Variants in ABTB2 observed in about 807,000 individuals in gnomAD.
ABTB2 encodes ankyrin repeat and BTB/POZ domain-containing protein 2.
ABTB2 carries 56 observed loss-of-function variants against 104.1 expected under a neutral mutation model. The ratio of observed to expected loss-of-function variants is 0.54; its 90% CI spans 0.43 to 0.67. The LOEUF is 0.67. Among genes scored for constraint, ABTB2 ranks in the 30% least tolerant of loss-of-function variants. ABTB2 has a pLI of 0.00. For synonymous variants in ABTB2, 606 were observed against 608.2 expected (o/e 1.00, Z 0.05); for missense variants, 1,279 against 1,407.7 (o/e 0.91, Z 1.46).
intron 1 of ABTB2, among the ~76,000 whole-genome samples, chr11:34,224,174 A>C (rs1853659155): frequency 6.6e-6 from 1 of 152,060 alleles, no homozygotes; most frequent in Non-Finnish European, 1.5e-5. Context: ...CACCACACCC[A>C]GCTAATTTTG....
chr11:34,268,929 C>T (rs1402181247), intron 1 of ABTB2, among the ~76,000 whole-genome samples: 1 of 152,234 alleles, frequency 6.6e-6, no homozygotes, highest in Non-Finnish European at 1.5e-5. Context: ...TAGCTAACTA[C>T]ATCCACACCT....
chr11:34,196,205 A>G (rs950992334), intron 3 of ABTB2, among the ~76,000 whole-genome samples: 1 of 152,196 alleles, frequency 6.6e-6, no homozygotes, highest in South Asian at 2.1e-4. Flanking sequence ...AAAAAATATT[A>G]TATTTTCCAG....
At chr11:34,307,810 T>C (rs889076360) in intron 1 of ABTB2, among the ~76,000 whole-genome samples, 2 of 152,132 alleles carry the variant, frequency 1.3e-5, no homozygotes, top group African/African-American at 4.8e-5. Context: ...GCGATTCTCC[T>C]GCCTCAGCCT....
chr11:34,296,466 T>A (rs775366008), intron 1 of ABTB2, among the ~76,000 whole-genome samples: 5 of 152,158 alleles, frequency 3.3e-5, no homozygotes, highest in Non-Finnish European at 4.4e-5. Flanking sequence ...GATGATGCAG[T>A]TACTGGTCAT....
At chr11:34,233,493 G>T (rs1458334555) in intron 1 of ABTB2, among the ~76,000 whole-genome samples, 4 of 151,896 alleles carry the variant, frequency 2.6e-5, no homozygotes, top group African/African-American at 9.7e-5. Context: ...TGGGACCACA[G>T]GGGTACACCA....
chr11:34,249,031 A>G (rs959787918), intron 1 of ABTB2, among the ~76,000 whole-genome samples: 5 of 152,230 alleles, frequency 3.3e-5, no homozygotes, highest in Non-Finnish European at 7.3e-5. Context: ...CAGGAGGCTG[A>G]GGCAAGAGAT....
chr11:34,153,891 A>C (rs1852583386), intron 16 of ABTB2, among the ~76,000 whole-genome samples: 1 of 152,208 alleles, frequency 6.6e-6, no homozygotes, highest in South Asian at 2.1e-4. Context: ...AGCAGTGACC[A>C]TGTTGATTGT....
chr11:34,179,935 A>C (rs553394245), intron 3 of ABTB2, among the ~76,000 whole-genome samples: 3 of 152,212 alleles, frequency 2.0e-5, no homozygotes, highest in Non-Finnish European at 4.4e-5. Context: ...TAATAGGACC[A>C]CCTCACAAAA....
chr11:34,163,299 C>G (rs1034017408), intron 9 of ABTB2, among the ~76,000 whole-genome samples: 1 of 152,208 alleles, frequency 6.6e-6, no homozygotes. Flanking sequence ...CCAGTAAGTA[C>G]TCATTTGGTC....
At chr11:34,302,597 G>T (rs1361366181) in intron 1 of ABTB2, among the ~76,000 whole-genome samples, 1 of 152,198 alleles carries the variant, frequency 6.6e-6, no homozygotes, top group African/African-American at 2.4e-5. Flanking sequence ...TCTCTCAACA[G>T]TTTGTTGGTC....
chr11:34,246,870 AG>A (rs1853991937), intron 1 of ABTB2, among the ~76,000 whole-genome samples: 2 of 135,308 alleles, frequency 1.5e-5, no homozygotes, highest in Non-Finnish European at 3.1e-5. Context: ...TTTTTGAGAC[AG>A]AGTTTAACTC....
At chr11:34,327,682 T>C (rs1281242853) in intron 1 of ABTB2, among the ~76,000 whole-genome samples, 1 of 152,150 alleles carries the variant, frequency 6.6e-6, no homozygotes, top group African/African-American at 2.4e-5. Flanking sequence ...TCTATATGCA[T>C]GTTGTTAAGG....
In ABTB2 at chr11:34,331,240, C is replaced by T. The variant is rs191411596; in HGVS notation, c.883+25461G>A. ...CATTTTAAAAAGCATACATGACAAG[C>T]CTAAGAAGTGCTTACCACAAGCATA... On this transcript the variant is annotated intron_variant, in intron 1 of 16. Coordinates refer to ENST00000435224, the MANE Select transcript of ABTB2 (RefSeq NM_145804.3). Among the ~76,000 whole-genome samples, 306 of 152,240 alleles carry T rather than the reference C, an allele frequency of 2.0e-3. 2 individuals carry two copies. The highest frequency in any genetic ancestry group is 7.0e-3 in the African/African-American group (290 of 41,540).
At chr11:34,167,595 A>G (rs373805052) in intron 6 of ABTB2, among the ~76,000 whole-genome samples, 1 of 152,230 alleles carries the variant, frequency 6.6e-6, no homozygotes, top group East Asian at 1.9e-4. Flanking sequence ...AGGCAGAGCT[A>G]GAAGTATTTG....
rs1027161234 is a variant in ABTB2, at chr11:34,235,024, A to AT, written c.884-30335dup. On this transcript the variant is annotated intron_variant, in intron 1 of 16. Coordinates refer to ENST00000435224, the MANE Select transcript of ABTB2 (RefSeq NM_145804.3). ...AGGCGCCCGCCACGGCGCCTGGCTA[A>AT]TTTTTTTTTTGTATTTTTAGTAGAG... is the stretch of plus-strand genomic sequence containing the variant. Among the ~76,000 whole-genome samples the AT allele has an allele frequency of 2.5e-3, 372 of 149,714 alleles. 1 individual carries two copies. Among genetic ancestry groups the AT allele is most frequent in the African/African-American group, 7.4e-3 (304 of 40,896 alleles).
rs1010101340 is a variant in ABTB2 at position 34,154,433 on chromosome 11, A to G, written c.2767-55T>C. 7 of 1,282,748 alleles carry G rather than the reference A, an allele frequency of 5.5e-6. No homozygotes were observed. The East Asian group carries it at 1.7e-4, about 31-fold the overall frequency. 79.5% of individuals were successfully genotyped at this position (1,282,748 alleles called of 1,614,324 possible). Reference sequence around the variant, plus strand: ...ACCCATGGCCAGACCAGTGGCCCAGACAGCACCGAACAGAAAGCTCCCGAG... The same window carrying G: ...ACCCATGGCCAGACCAGTGGCCCAGGCAGCACCGAACAGAAAGCTCCCGAG... On this transcript the variant is annotated intron_variant, in intron 15 of 16. Transcript: ENST00000435224. The surrounding 1 kb of genome is among the most constrained non-coding windows in gnomAD (Gnocchi z 4.9).
rs990924694 is a variant in ABTB2 at position 34,283,776 on chromosome 11, A to G, written c.883+72925T>C. Among the ~76,000 whole-genome samples, 3 of 152,132 alleles carry G rather than the reference A, an allele frequency of 2.0e-5. 1 individual carries two copies. The highest frequency in any genetic ancestry group is 4.4e-5 in the Non-Finnish European group (3 of 68,030). Reference sequence around the variant, plus strand: ...AAAATATTTCCCCAAGAATAAGGAGACACAGCTGCCAGGAAACTTAGTCCC... The same window carrying G: ...AAAATATTTCCCCAAGAATAAGGAGGCACAGCTGCCAGGAAACTTAGTCCC... On this transcript the variant is annotated intron_variant, in intron 1 of 16. Transcript: ENST00000435224.
chr11:34,241,827 C>T (rs1417376813), intron 1 of ABTB2, among the ~76,000 whole-genome samples: 2 of 152,196 alleles, frequency 1.3e-5, no homozygotes, highest in African/African-American at 4.8e-5. Flanking sequence ...AAATGTTTCC[C>T]CCCTTCATCA....
chr11:34,316,349 ACTC>A (rs1854930406), intron 1 of ABTB2, among the ~76,000 whole-genome samples: 1 of 152,040 alleles, frequency 6.6e-6, no homozygotes, highest in African/African-American at 2.4e-5. Context: ...ATAGACAAGA[ACTC>A]CTCACAGTAG....
Sources: allele counts gnomAD v4.1 joint callset (sites outside exome capture counted in the v4.1 genomes callset), GRCh38; gene constraint gnomAD v4.1.1; non-coding constraint Gnocchi (gnomAD v3.1); transcripts MANE v1.5; gene names NCBI Gene and HGNC (gene_info 2026-07-23, HGNC 2026-07-21).